ZSCAN30: variants seen among roughly 807,000 people sequenced by gnomAD.
ZSCAN30 encodes zinc finger and SCAN domain-containing protein 30.
A neutral mutation model predicts 44.3 loss-of-function variants in ZSCAN30; 37 were observed. That is an observed-to-expected ratio of 0.84 (90% CI 0.64 to 1.10). ZSCAN30 has a LOEUF of 1.10. Among genes scored for constraint, ZSCAN30 ranks in the 50% least tolerant of loss-of-function variants. The pLI is 0.00. For missense variants in ZSCAN30, 549 were observed against 582.6 expected, an observed-to-expected ratio of 0.94 and a Z score of 0.59; for synonymous variants, 181 against 204.6, an observed-to-expected ratio of 0.88 and a Z score of 0.98.
intron 1 of ZSCAN30, among the ~76,000 whole-genome samples, chr18:35,271,274 A>C (rs1470708470): frequency 6.6e-6 from 1 of 152,172 alleles, no homozygotes; most frequent in Non-Finnish European, 1.5e-5. Flanking sequence ...GGTCCGTTTT[A>C]TAGAGTGCTG....
chr18:35,264,391 G>A lies in ZSCAN30; in HGVS notation c.-39C>T, dbSNP rs533241724. On this transcript the variant is annotated 5_prime_UTR_variant, in exon 2 of 4. Coordinates refer to ENST00000333206, the MANE Select transcript of ZSCAN30 (RefSeq NM_001112734.4). ...AGTCTGAAAAGGCTGCCCAGGTGAG[G>A]CAGGGAGGAGATGGAGATTTGCGTC... 5.7e-6 allele frequency: 9 copies of A among 1,579,600 alleles called. No individual in the cohort carries two copies. In the East Asian group the frequency reaches 1.1e-4, roughly 20 times the overall value.
At chr18:35,268,580 C>T (rs2044210895) in intron 1 of ZSCAN30, 1 of 152,108 alleles carries the variant, frequency 6.6e-6, no homozygotes, top group South Asian at 2.1e-4. Flanking sequence ...AACAGTGTTT[C>T]AGGAGACGGA....
At position 35,263,114 on chromosome 18, in the gene ZSCAN30, A is replaced by C. The variant is rs543749995; in HGVS notation, c.553+399T>G. 35 of 346,390 alleles carry C rather than the reference A, an allele frequency of 1.0e-4. 1 individual carries two copies. The highest frequency in any genetic ancestry group is 7.3e-4 in the African/African-American group (33 of 45,268). The allele number at this position is 346,390 out of a possible 1,614,324, so 21.5% of individuals were successfully genotyped here. On this transcript the variant is annotated intron_variant, in intron 3 of 3. Coordinates refer to ENST00000333206, the MANE Select transcript of ZSCAN30 (RefSeq NM_001112734.4). ...TATTTAGCCAGGCATGGTGGTGTAC[A>C]ACTGTAGTCCTAGCTACTCTGGAGG... is the stretch of plus-strand genomic sequence containing the variant.
chr18:35,271,132 G>C (rs2044264433), intron 1 of ZSCAN30, among the ~76,000 whole-genome samples: 1 of 152,070 alleles, frequency 6.6e-6, no homozygotes, highest in Non-Finnish European at 1.5e-5. Context: ...ATTGCAAAAA[G>C]CAAAAAAACC....
At chr18:35,270,976 G>T (rs991999135) in intron 1 of ZSCAN30, among the ~76,000 whole-genome samples, 1 of 152,156 alleles carries the variant, frequency 6.6e-6, no homozygotes, top group African/African-American at 2.4e-5. Flanking sequence ...TCTGGAGTTT[G>T]TTCCTTCCTC....
At chr18:35,256,230 T>C (rs1296998864) in intron 3 of ZSCAN30, 1 of 152,300 alleles carries the variant, frequency 6.6e-6, no homozygotes, top group African/African-American at 2.4e-5. Flanking sequence ...AATAAATAGC[T>C]AACTAGAGTA....
chr18:35,252,814 C>G lies in ZSCAN30; in HGVS notation c.*636G>C, dbSNP rs763331253. 3.3e-5 allele frequency: 5 copies of G among 152,486 alleles called. No homozygotes were observed. Among genetic ancestry groups the G allele is most frequent in the Non-Finnish European group, 5.9e-5 (4 of 68,282 alleles). The allele number at this position is 152,486 out of a possible 1,614,324, so 9.4% of individuals were successfully genotyped here. On this transcript the variant is annotated 3_prime_UTR_variant, in exon 4 of 4. Transcript: ENST00000333206. ...GGGAGGGCAATGACCAGGTCTACCT[C>G]AATGCCTAGCACATAGCAGGTGCTC...
At chr18:35,255,814 A>G (rs1283983262) in intron 3 of ZSCAN30, 1 of 154,402 alleles carries the variant, frequency 6.5e-6, no homozygotes, top group African/African-American at 2.4e-5. Flanking sequence ...TGGATTTTAG[A>G]TAGAAATTTA....
At chr18:35,271,685 G>A (rs996412241) in intron 1 of ZSCAN30, among the ~76,000 whole-genome samples, 6 of 152,212 alleles carry the variant, frequency 3.9e-5, no homozygotes, top group Non-Finnish European at 8.8e-5. Flanking sequence ...CGATCGGACC[G>A]GGCACCACGG....
intron 3 of ZSCAN30, chr18:35,259,314 C>T (rs912609575): frequency 1.3e-5 from 2 of 152,238 alleles, no homozygotes; most frequent in Non-Finnish European, 2.9e-5. Flanking sequence ...GTCTCAGCCT[C>T]CCAAGTAGCT....
At position 35,263,975 on chromosome 18, in the gene ZSCAN30, C is replaced by A; in HGVS notation, c.378G>T (p.Leu126=). Reference sequence around the variant, plus strand: ...GCCTTGGCTCCTCCAGTTCTTTTTCCAGCTCCTCCAGCATAGTCACAGCTT... The same window carrying A: ...GCCTTGGCTCCTCCAGTTCTTTTTCAAGCTCCTCCAGCATAGTCACAGCTT... ...GEEAVTMLEE[L]EKELEEPRQQ... The change falls in exon 2 of 4, where the codon CTG becomes CTT. Residue 126 remains leucine (L), a synonymous_variant. Coordinates refer to ENST00000333206, the MANE Select transcript of ZSCAN30 (RefSeq NM_001112734.4). 2 of 1,613,964 alleles carry A rather than the reference C, an allele frequency of 1.2e-6. No individual in the cohort carries two copies. The highest frequency in any genetic ancestry group is 1.7e-6 in the Non-Finnish European group (2 of 1,179,968).
chr18:35,259,720 T>C (rs964193938), intron 3 of ZSCAN30: 1 of 154,168 alleles, frequency 6.5e-6, no homozygotes, highest in East Asian at 1.9e-4. Flanking sequence ...CCATAACAAA[T>C]AACAATATGA....
intron 1 of ZSCAN30, chr18:35,283,375 G>A (rs1214788484): frequency 6.6e-6 from 1 of 152,336 alleles, no homozygotes; most frequent in East Asian, 1.9e-4. Flanking sequence ...TACTTGGGGT[G>A]TTGCTTTTCT....
intron 1 of ZSCAN30, among the ~76,000 whole-genome samples, chr18:35,274,736 T>C (rs2044341933): frequency 6.6e-6 from 1 of 152,204 alleles, no homozygotes; most frequent in Non-Finnish European, 1.5e-5. Flanking sequence ...GATCTTGTTC[T>C]AGTATTCTGT....
At position 35,252,417 on chromosome 18, in the gene ZSCAN30, T is replaced by A. The variant is rs575610215; in HGVS notation, c.*1033A>T. On this transcript the variant is annotated 3_prime_UTR_variant, in exon 4 of 4. Transcript: ENST00000333206. ...CCAGGCTCTGCTATTCCCCATTCCC[T>A]GCCCACACCCCTCCTTACCAGGCTT... The A allele has an allele frequency of 6.6e-6, 1 of 152,224 alleles. No homozygotes were observed. The highest frequency in any genetic ancestry group is 1.5e-5 in the Non-Finnish European group (1 of 68,040). 9.4% of individuals were successfully genotyped at this position (152,224 alleles called of 1,614,324 possible).
intron 1 of ZSCAN30, among the ~76,000 whole-genome samples, chr18:35,288,912 C>A (rs1304871930): frequency 6.6e-6 from 1 of 152,090 alleles, no homozygotes; most frequent in African/African-American, 2.4e-5. Flanking sequence ...AAATTATATC[C>A]TTTAAATATT....
intron 3 of ZSCAN30, 121 bp downstream of exon 3, chr18:35,263,392 A>G: frequency 4.8e-6 from 6 of 1,246,156 alleles, no homozygotes; most frequent in Non-Finnish European, 6.7e-6. Flanking sequence ...TTTCTAGGCA[A>G]AGAAGCCTTT....
rs984375790 is a variant in ZSCAN30, at chr18:35,252,160, T to C, written c.*1290A>G. ...GTGTTGCTTTTCCTCTTCCTACTTA[T>C]AATCACTGAGTTGGGGAGCCTATTC... On this transcript the variant is annotated 3_prime_UTR_variant, in exon 4 of 4. Transcript: ENST00000333206. The C allele has an allele frequency of 1.3e-5, 2 of 152,248 alleles. No homozygotes were observed. Among genetic ancestry groups the C allele is most frequent in the Non-Finnish European group, 1.5e-5 (1 of 68,070 alleles). The allele number at this position is 152,248 out of a possible 1,614,324, so 9.4% of individuals were successfully genotyped here.
intron 1 of ZSCAN30, chr18:35,266,657 A>ATTTTTTTTTTTTT (rs34611791): frequency 2.5e-5 from 2 of 78,612 alleles, no homozygotes; most frequent in Admixed American, 1.8e-4. Context: ...ATTTCTCCTA[A>ATTTTTTTTTTTTT]TTTTTTTTTT....
Sources: gnomAD v4.1 joint callset for allele counts (sites outside exome capture counted in the v4.1 genomes callset) on GRCh38, gnomAD v4.1.1 for gene constraint, MANE v1.5 for transcripts, NCBI Gene and HGNC (gene_info 2026-07-23, HGNC 2026-07-21) for gene names.